The following UGT1A8 variants were observed in gnomAD, a reference collection of about 807,000 sequenced individuals.
UGT1A8 encodes the protein UDP-glucuronosyltransferase 1A8.
A neutral mutation model predicts 45.3 loss-of-function variants in UGT1A8; 39 were observed. That is an observed-to-expected ratio of 0.86 (90% CI 0.67 to 1.12). UGT1A8 has a LOEUF of 1.12. Among genes scored for constraint, UGT1A8 ranks in the 50% most tolerant of loss-of-function variants. The probability of loss-of-function intolerance (pLI) is 0.00; values close to 1 mark genes in which losing one functional copy is unlikely to be tolerated. For synonymous variants in UGT1A8, 275 were observed against 249.2 expected, an observed-to-expected ratio of 1.10 and a Z score of -0.97; for missense variants, 719 against 664.9, an observed-to-expected ratio of 1.08 and a Z score of -0.90.
intron 1 of UGT1A8, among the ~76,000 whole-genome samples, chr2:233,748,966 G>A (rs1694075594): frequency 6.6e-6 from 1 of 151,630 alleles, no homozygotes; most frequent in Non-Finnish European, 1.5e-5. Flanking sequence ...AGTTTCTATA[G>A]TGGGATCTAC....
At chr2:233,618,855 T>G (rs2072949535) in intron 1 of UGT1A8, among the ~76,000 whole-genome samples, 1 of 152,210 alleles carries the variant, frequency 6.6e-6, no homozygotes, top group South Asian at 2.1e-4. Flanking sequence ...TGAACTTTCC[T>G]TTTTTGCTAA....
chr2:233,636,776 A>T, intron 1 of UGT1A8: 1 of 1,614,240 alleles, frequency 6.2e-7, no homozygotes, highest in Non-Finnish European at 8.5e-7. Context: ...ACTCTGGAAG[A>T]TCAGAACCGG....
intron 1 of UGT1A8, among the ~76,000 whole-genome samples, chr2:233,686,387 G>A (rs2074786384): frequency 2.0e-5 from 3 of 152,152 alleles, no homozygotes; most frequent in South Asian, 2.1e-4. Flanking sequence ...AAGACAACTC[G>A]TGTGGGCGCC....
intron 1 of UGT1A8, among the ~76,000 whole-genome samples, chr2:233,661,969 C>T (rs1244102626): frequency 6.6e-6 from 1 of 152,044 alleles, no homozygotes; most frequent in Non-Finnish European, 1.5e-5. Flanking sequence ...GAACTGTACA[C>T]ATGGAGATGA....
chr2:233,747,974 G>T lies in UGT1A8; in HGVS notation c.856-19060G>T, dbSNP rs1693825544. On this transcript the variant is annotated intron_variant, in intron 1 of 4. Coordinates refer to ENST00000373450, the MANE Select transcript of UGT1A8 (RefSeq NM_019076.5). ...TGGATCTTCTCAGCCATGCATCTGT[G>T]TGGCTGTTCCGAGGGGACTTTGTGA... 4 of 1,613,452 alleles carry T rather than the reference G, an allele frequency of 2.5e-6. No homozygotes were observed. The South Asian group carries it at 4.4e-5, about 18-fold the overall frequency.
chr2:233,762,928 A>G (rs1698198044), intron 1 of UGT1A8, among the ~76,000 whole-genome samples: 1 of 152,220 alleles, frequency 6.6e-6, no homozygotes, highest in African/African-American at 2.4e-5. Flanking sequence ...TAGAATCTCT[A>G]AAAACAGTTG....
intron 1 of UGT1A8, among the ~76,000 whole-genome samples, chr2:233,759,570 T>G (rs2125974184): frequency 6.6e-6 from 1 of 152,070 alleles, no homozygotes; most frequent in African/African-American, 2.4e-5. Flanking sequence ...TTCTGGTCAT[T>G]CTCTACCCCA....
intron 1 of UGT1A8, chr2:233,648,325 T>C (rs879274018): frequency 9.7e-6 from 5 of 513,656 alleles, no homozygotes; most frequent in Non-Finnish European, 1.8e-5. Flanking sequence ...CTCCCTCCTC[T>C]CGGTGGTCTT....
At chr2:233,625,498 T>C (rs550534815) in intron 1 of UGT1A8, among the ~76,000 whole-genome samples, 2 of 152,266 alleles carry the variant, frequency 1.3e-5, no homozygotes, top group Admixed American at 1.3e-4. Flanking sequence ...ACTGGTATGT[T>C]CATTGCAGCT....
At chr2:233,681,188 G>A (rs536294260) in intron 1 of UGT1A8, among the ~76,000 whole-genome samples, 18 of 151,912 alleles carry the variant, frequency 1.2e-4, no homozygotes, top group South Asian at 8.3e-4. Flanking sequence ...CTCTCTTTCC[G>A]TCGAACATGA....
At chr2:233,712,978 T>A (rs2076265993) in intron 1 of UGT1A8, 1 of 1,613,140 alleles carries the variant, frequency 6.2e-7, no homozygotes, top group Admixed American at 1.7e-5. Flanking sequence ...CAGCTGTCGG[T>A]GGCTTCTGCT....
At chr2:233,748,709 G>T (rs1302757653) in intron 1 of UGT1A8, among the ~76,000 whole-genome samples, 2 of 151,634 alleles carry the variant, frequency 1.3e-5, no homozygotes, top group East Asian at 3.9e-4. Flanking sequence ...AGGATTTGGG[G>T]TCTGGTGCAT....
At position 233,768,294 on chromosome 2, in the gene UGT1A8, C is replaced by T. The variant is rs901936528; in HGVS notation, c.1150C>T (p.Pro384Ser). The T allele has an allele frequency of 2.5e-6, 4 of 1,614,146 alleles. No individual in the cohort carries two copies. Among genetic ancestry groups the T allele is most frequent in the Non-Finnish European group, 3.4e-6 (4 of 1,180,048 alleles). The change falls in exon 4 of 5, where the codon CCC becomes TCC. Residue 384 changes from proline to serine, a missense_variant. Physicochemically the swap from Pro to Ser is moderately conservative, Grantham distance 74. Transcript: ENST00000373450. ...TTATGAAAGCATATGCAATGGCGTTCCCATGGTGATGATGCCCTTGTTTGG... is the reference window on the plus strand; with the variant it reads ...TTATGAAAGCATATGCAATGGCGTTTCCATGGTGATGATGCCCTTGTTTGG... ...GVYESICNGV[P>S]MVMMPLFGDQ...
At chr2:233,719,343 T>A (rs532530633) in intron 1 of UGT1A8, 40 of 1,613,928 alleles carry the variant, frequency 2.5e-5, no homozygotes, top group Middle Eastern at 1.7e-4. Flanking sequence ...TTTTTGGAGG[T>A]ACATTCCATG....
intron 1 of UGT1A8, among the ~76,000 whole-genome samples, chr2:233,679,760 T>C (rs1320676610): frequency 2.6e-5 from 4 of 152,170 alleles, no homozygotes; most frequent in Non-Finnish European, 5.9e-5. Context: ...CCATCCTTTG[T>C]TGCCATTAAA....
At chr2:233,696,562 G>A (rs577212454) in intron 1 of UGT1A8, among the ~76,000 whole-genome samples, 1 of 152,212 alleles carries the variant, frequency 6.6e-6, no homozygotes, top group Admixed American at 6.5e-5. Flanking sequence ...TATGTCATCT[G>A]AGAACAAGAA....
In UGT1A8 at chr2:233,767,937, G is replaced by T. The variant is rs587784535; in HGVS notation, c.1075+1G>T. Reference sequence around the variant, plus strand: ...TGGCTACCCCAAAACGATCTGCTTGGTATGTTGGGCGGATTGGATGTATAG... The same window carrying T: ...TGGCTACCCCAAAACGATCTGCTTGTTATGTTGGGCGGATTGGATGTATAG... On this transcript the variant is annotated splice_donor_variant, in intron 3 of 4. Coordinates refer to ENST00000373450, the MANE Select transcript of UGT1A8 (RefSeq NM_019076.5). LOFTEE classifies it high-confidence loss of function. 5 of 1,614,210 alleles carry T rather than the reference G, an allele frequency of 3.1e-6. No individual in the cohort carries two copies. The highest frequency in any genetic ancestry group is 4.2e-6 in the Non-Finnish European group (5 of 1,180,052).
At chr2:233,748,608 C>T (rs1265158966) in intron 1 of UGT1A8, among the ~76,000 whole-genome samples, 3 of 151,644 alleles carry the variant, frequency 2.0e-5, no homozygotes, top group African/African-American at 4.9e-5. Flanking sequence ...AGTAGAGCAA[C>T]GAACGTGGGA....
intron 1 of UGT1A8, among the ~76,000 whole-genome samples, chr2:233,663,942 T>G (rs2074025895): frequency 6.6e-6 from 1 of 152,196 alleles, no homozygotes; most frequent in South Asian, 2.1e-4. Flanking sequence ...TTTAAGTCAT[T>G]TCTTTGTCCT....
Sources: allele counts gnomAD v4.1 joint callset (sites outside exome capture counted in the v4.1 genomes callset), GRCh38; gene constraint gnomAD v4.1.1; transcripts MANE v1.5; gene names NCBI Gene and HGNC (gene_info 2026-07-23, HGNC 2026-07-21).